The following HHIPL2 variants were observed in gnomAD, a reference collection of about 807,000 sequenced individuals.
HHIPL2 encodes HHIP-like protein 2.
A neutral mutation model predicts 61.0 loss-of-function variants in HHIPL2; 61 were observed. That is an observed-to-expected ratio of 1.00 (90% CI 0.81 to 1.24). The LOEUF (loss-of-function observed/expected upper bound fraction) is 1.24. Ranked by LOEUF, HHIPL2 falls within the 50% of genes most tolerant of loss-of-function variation. The pLI, the probability that HHIPL2 is intolerant of heterozygous loss-of-function variation, is 0.00. For synonymous variants in HHIPL2, 343 were observed against 357.4 expected, an observed-to-expected ratio of 0.96 and a Z score of 0.45; for missense variants, 885 against 910.2, an observed-to-expected ratio of 0.97 and a Z score of 0.36.
chr1:222,529,760 C>T (rs556827295), intron 6 of HHIPL2, among the ~76,000 whole-genome samples: 5 of 152,280 alleles, frequency 3.3e-5, no homozygotes, highest in African/African-American at 1.2e-4. Context: ...TAAACCTCAG[C>T]AATGGGCAGC....
intron 5 of HHIPL2, 113 bp from the exon 6 acceptor site, chr1:222,532,224 G>T: frequency 1.1e-6 from 1 of 888,584 alleles, no homozygotes; most frequent in South Asian, 2.5e-5. Flanking sequence ...CCCATTAAGA[G>T]ATCAATAACT....
Position 222,522,570 on chromosome 1 carries a change from C to A in HHIPL2, c.*31G>T, listed in dbSNP as rs779066541. The stretch of plus-strand genomic sequence containing the variant: ...TTGATGAGGTGGCTCTCCTCTCTCA[C>A]GTCACCCTGTCGGCCACCTTGACCA... On this transcript the variant is annotated 3_prime_UTR_variant, in exon 9 of 9. Coordinates refer to ENST00000343410, the MANE Select transcript of HHIPL2 (RefSeq NM_024746.4). The A allele has an allele frequency of 3.7e-6, 6 of 1,600,200 alleles. No individual in the cohort carries two copies. The African/African-American group carries it at 6.7e-5, about 18-fold the overall frequency.
chr1:222,534,753 T>C (rs899469149), intron 5 of HHIPL2, among the ~76,000 whole-genome samples: 8 of 151,500 alleles, frequency 5.3e-5, no homozygotes, highest in South Asian at 4.2e-4. Context: ...ACTAAAGACA[T>C]AGCAATGGAA....
At chr1:222,528,139 G>A (rs1363525512) in intron 6 of HHIPL2, among the ~76,000 whole-genome samples, 2 of 152,136 alleles carry the variant, frequency 1.3e-5, no homozygotes, top group Non-Finnish European at 2.9e-5. Context: ...ATGCTATGGG[G>A]TCATGAGCCC....
At chr1:222,537,113 C>A (rs1371207643) in intron 5 of HHIPL2, among the ~76,000 whole-genome samples, 1 of 151,978 alleles carries the variant, frequency 6.6e-6, no homozygotes, top group African/African-American at 2.4e-5. Flanking sequence ...ACTGCTCTAG[C>A]AATTTTTAAA....
At chr1:222,534,577 T>TAA (rs67437927) in intron 5 of HHIPL2, among the ~76,000 whole-genome samples, 107 of 72,640 alleles carry the variant, frequency 1.5e-3, no homozygotes, top group Admixed American at 4.9e-3. Flanking sequence ...ACTCCATCTC[T>TAA]AAAAAAAAAA....
intron 5 of HHIPL2, among the ~76,000 whole-genome samples, chr1:222,535,749 T>C (rs1411362915): frequency 2.0e-5 from 3 of 152,122 alleles, no homozygotes; most frequent in East Asian, 1.9e-4. Flanking sequence ...TGTGATTTCA[T>C]TTAGGACCCA....
In HHIPL2 at chr1:222,540,131, C is replaced by G; in HGVS notation, c.1329G>C (p.Gly443=). 1 of 1,614,272 alleles carries G rather than the reference C, an allele frequency of 6.2e-7. No individual in the cohort carries two copies. Among genetic ancestry groups the G allele is most frequent in the Non-Finnish European group, 8.5e-7 (1 of 1,180,044 alleles). ...CTTCAAACCTGTTCTGGCCCACGTC[C>G]CCACAGAATATCCGGCCTCGGCCCT... ...TRQGRGRIFC[G]DVGQNRFEEV... is the part of the protein sequence containing the mutation. Residue 443 remains glycine (G), a synonymous_variant, in exon 4 of 9, where the codon GGG becomes GGC. Transcript: ENST00000343410.
chr1:222,532,083 T>C lies in HHIPL2; in HGVS notation c.1606A>G (p.Lys536Glu). The C allele has an allele frequency of 6.2e-7, 1 of 1,613,902 alleles. No individual in the cohort carries two copies. Among genetic ancestry groups the C allele is most frequent in the Non-Finnish European group, 8.5e-7 (1 of 1,179,826 alleles). The change falls in exon 6 of 9, where the codon AAA becomes GAA. Residue 536 changes from lysine to glutamate, a missense_variant. Physicochemically the swap from Lys to Glu is moderately conservative, Grantham distance 56. Transcript: ENST00000343410. ...GRLMALQEDR[K>E]NKKWKKQDLC... The stretch of plus-strand genomic sequence containing the variant: ...TCCTGCTTCTTCCATTTCTTGTTTT[T>C]TCTATCTTCCTGCAAAGCCATAAGT...
chr1:222,522,502 G>A lies in HHIPL2; in HGVS notation c.*99C>T. ...ACCGCCCTGCCCCACCTCTACCCTG[G>A]CTTCCCAGACTTCTAAGGTCTTTAT... On this transcript the variant is annotated 3_prime_UTR_variant, in exon 9 of 9. Transcript: ENST00000343410. 7.5e-7 allele frequency: 1 copy of A among 1,335,548 alleles called. No homozygotes were observed. Among genetic ancestry groups the A allele is most frequent in the Non-Finnish European group, 1.0e-6 (1 of 976,562 alleles). The allele number at this position is 1,335,548 out of a possible 1,614,324, so 82.7% of individuals were successfully genotyped here.
intron 5 of HHIPL2, among the ~76,000 whole-genome samples, chr1:222,534,669 T>TACACACACACACACAC (rs10650864): frequency 8.7e-4 from 129 of 148,288 alleles, no homozygotes; most frequent in Admixed American, 2.5e-3. Flanking sequence ...ACATTGAGAT[T>TACACACACACACACAC]ACACACACAC....
intron 6 of HHIPL2, among the ~76,000 whole-genome samples, chr1:222,530,277 A>T (rs1411424949): frequency 1.3e-5 from 2 of 152,164 alleles, no homozygotes; most frequent in Non-Finnish European, 2.9e-5. Flanking sequence ...GCCACAGAAG[A>T]TGGCAGCCCA....
chr1:222,525,366 G>A (rs1463892019), intron 7 of HHIPL2: 1 of 152,340 alleles, frequency 6.6e-6, no homozygotes, highest in Non-Finnish European at 1.5e-5. Context: ...CACAGAAGCA[G>A]ACCCAGCAGT....
chr1:222,539,927 A>C, intron 4 of HHIPL2, 83 bp downstream of exon 4: 2 of 1,132,732 alleles, frequency 1.8e-6, no homozygotes, highest in Middle Eastern at 4.0e-4. Flanking sequence ...CCTGCAGGGC[A>C]GGACATTCAG....
intron 5 of HHIPL2, among the ~76,000 whole-genome samples, chr1:222,538,423 CAGAG>C (rs369750527): frequency 1.8e-4 from 26 of 147,184 alleles, no homozygotes; most frequent in South Asian, 6.5e-4. Flanking sequence ...GAGAGAGAGA[CAGAG>C]AGAGAGAGAG....
At position 222,538,195 on chromosome 1, in the gene HHIPL2, GGTGTGTGTGT is replaced by G. The variant is rs373452655; in HGVS notation, c.1577+443_1577+452del. 6.8e-3 allele frequency among the ~76,000 whole-genome samples: 927 copies of G among 136,368 alleles called. 6 individuals are homozygous for G. Among genetic ancestry groups the G allele is most frequent in the African/African-American group, 0.02 (750 of 37,434 alleles). The allele number at this position is 136,368 out of a possible 152,430, so 89.5% of individuals were successfully genotyped here. A position where few individuals can be genotyped will look rare whatever the true frequency, so the allele number is the denominator to read the frequency against. On this transcript the variant is annotated intron_variant, in intron 5 of 8. Coordinates refer to ENST00000343410, the MANE Select transcript of HHIPL2 (RefSeq NM_024746.4). ...GGTGAGAGTGCTTATCTCTGGCTGG[GGTGTGTGTGT>G]GTGTGTGTGTGTGTGTGTGTGTGTG...
chr1:222,527,164 G>T, intron 6 of HHIPL2, 114 bp from the exon 7 acceptor site: 1 of 747,948 alleles, frequency 1.3e-6, no homozygotes, highest in Non-Finnish European at 2.2e-6. Flanking sequence ...TGCAGTGAGC[G>T]CCAAGAACGG....
chr1:222,545,801 G>T (rs916086397), intron 1 of HHIPL2, among the ~76,000 whole-genome samples: 2 of 151,778 alleles, frequency 1.3e-5, no homozygotes, highest in Admixed American at 6.6e-5. Flanking sequence ...GAGGATGAGG[G>T]GGGCAGATCA....
chr1:222,523,568 C>T, intron 8 of HHIPL2, 44 bp downstream of exon 8: 1 of 1,566,870 alleles, frequency 6.4e-7, no homozygotes, highest in Non-Finnish European at 8.8e-7. Flanking sequence ...ACTGCCTTAG[C>T]CTCCACACCA....
Sources: allele counts gnomAD v4.1 joint callset (sites outside exome capture counted in the v4.1 genomes callset), GRCh38; gene constraint gnomAD v4.1.1; transcripts MANE v1.5; gene names NCBI Gene and HGNC (gene_info 2026-07-23, HGNC 2026-07-21).